ZNF26: variants seen among roughly 807,000 people sequenced by gnomAD.
ZNF26 encodes the protein zinc finger protein 26.
ZNF26 carries 32 observed loss-of-function variants against 54.9 expected under a neutral mutation model. The ratio of observed to expected loss-of-function variants is 0.58; its 90% CI spans 0.44 to 0.78. The LOEUF (loss-of-function observed/expected upper bound fraction) is 0.78, where lower values mean the gene tolerates loss of function less well. Among genes scored for constraint, ZNF26 ranks in the 30% least tolerant of loss-of-function variants. The pLI, the probability that ZNF26 is intolerant of heterozygous loss-of-function variation, is 0.00. For synonymous variants in ZNF26, 221 were observed against 209.2 expected (o/e 1.06, Z -0.49); for missense variants, 524 against 634.0 (o/e 0.83, Z 1.86).
Position 133,022,073 on chromosome 12 carries a change from G to A in ZNF26, c.*10592G>A, listed in dbSNP as rs984535313. ...CTGTTTACCAAAAATACAAAAATTA[G>A]CCAGGGTGGTGACGTGCACCTGTAA... On this transcript the variant is annotated 3_prime_UTR_variant, in exon 4 of 4. Transcript: ENST00000328654. The A allele has an allele frequency of 6.6e-6, 1 of 151,596 alleles. No individual in the cohort carries two copies. Among genetic ancestry groups the A allele is most frequent in the Non-Finnish European group, 1.5e-5 (1 of 67,878 alleles). 9.4% of individuals were successfully genotyped at this position (151,596 alleles called of 1,614,324 possible). A position where few individuals can be genotyped will look rare whatever the true frequency, so the allele number is the denominator to read the frequency against.
At position 133,024,355 on chromosome 12, in the gene ZNF26, T is replaced by C. The variant is rs1221245264; in HGVS notation, c.*12874T>C. 6.6e-6 allele frequency: 1 copy of C among 152,202 alleles called. No individual in the cohort carries two copies. The highest frequency in any genetic ancestry group is 1.5e-5 in the Non-Finnish European group (1 of 68,036). The allele number at this position is 152,202 out of a possible 1,614,324, so 9.4% of individuals were successfully genotyped here. On this transcript the variant is annotated 3_prime_UTR_variant, in exon 4 of 4. Coordinates refer to ENST00000328654, the MANE Select transcript of ZNF26 (RefSeq NM_019591.4). ...AAACATGGAGAAAATGAGACTTTTT[T>C]ATGTAGTGACAGGTGTATCAACACT...
chr12:132,988,824 A>T (rs1276067407), intron 1 of ZNF26, among the ~76,000 whole-genome samples: 1 of 152,084 alleles, frequency 6.6e-6, no homozygotes, highest in Non-Finnish European at 1.5e-5. Flanking sequence ...TTTTTCTCAT[A>T]TAGATTTTAT....
Position 133,015,751 on chromosome 12 carries a change from C to T in ZNF26, c.*4270C>T, listed in dbSNP as rs1271580654. 2.6e-5 allele frequency: 4 copies of T among 152,182 alleles called. No individual in the cohort carries two copies. Among genetic ancestry groups the T allele is most frequent in the African/African-American group, 9.6e-5 (4 of 41,452 alleles). The allele number at this position is 152,182 out of a possible 1,614,324, so 9.4% of individuals were successfully genotyped here. ...AGAGGACAGTCTTCTGAGTAGAGGGCATAGGAGTTCCCAAAGAGGAAAGTC... is the reference window on the plus strand; with the variant it reads ...AGAGGACAGTCTTCTGAGTAGAGGGTATAGGAGTTCCCAAAGAGGAAAGTC... On this transcript the variant is annotated 3_prime_UTR_variant, in exon 4 of 4. Coordinates refer to ENST00000328654, the MANE Select transcript of ZNF26 (RefSeq NM_019591.4).
Position 133,011,022 on chromosome 12 carries a change from G to A in ZNF26, c.1143G>A (p.Arg381=). 6.2e-7 allele frequency: 1 copy of A among 1,614,152 alleles called. No individual in the cohort carries two copies. The change falls in exon 4 of 4, where the codon AGG becomes AGA. Residue 381 remains arginine (R), a synonymous_variant. Transcript: ENST00000328654. ...GTGAATGTGGGAAAGCCTTTGGTAG[G>A]AAGGAACAGCTCACTGCACATCTGA... ...QCGECGKAFG[R]KEQLTAHLRA...
rs1179668641 is a variant in ZNF26, at chr12:133,016,071, T to C, written c.*4590T>C. On this transcript the variant is annotated 3_prime_UTR_variant, in exon 4 of 4. Coordinates refer to ENST00000328654, the MANE Select transcript of ZNF26 (RefSeq NM_019591.4). ...TATTGTGAAAAAGTGTAGGGGTAAT[T>C]TTTTTTTTTTTTTTTTTTTGAGACA... 1.8e-5 allele frequency: 1 copy of C among 54,152 alleles called. No individual in the cohort carries two copies. The highest frequency in any genetic ancestry group is 2.2e-4 in the Admixed American group (1 of 4,526). The allele number at this position is 54,152 out of a possible 1,614,324, so 3.4% of individuals were successfully genotyped here.
intron 1 of ZNF26, among the ~76,000 whole-genome samples, chr12:132,996,846 G>A (rs1953095375): frequency 6.6e-6 from 1 of 152,086 alleles, no homozygotes; most frequent in South Asian, 2.1e-4. Context: ...TTATTGTTTT[G>A]TTTAAAACTG....
In ZNF26 at chr12:133,010,372, C is replaced by G; in HGVS notation, c.493C>G (p.Gln165Glu). 1 of 1,613,932 alleles carries G rather than the reference C, an allele frequency of 6.2e-7. No homozygotes were observed. Among genetic ancestry groups the G allele is most frequent in the African/African-American group, 1.3e-5 (1 of 74,998 alleles). Residue 165 changes from glutamine to glutamate, a missense_variant, in exon 4 of 4, where the codon CAA (glutamine) becomes GAA (glutamate). Gln to Glu is a conservative substitution (Grantham distance 29, BLOSUM62 2). Transcript: ENST00000328654. ...GYEEPYFLKHQRAHSIEKNCV... is the reference protein window; with the variant it reads ...GYEEPYFLKHERAHSIEKNCV... ...TGAAGAACCATATTTTCTTAAGCATCAAAGAGCTCATAGCATAGAAAAAAA... is the reference window on the plus strand; with the variant it reads ...TGAAGAACCATATTTTCTTAAGCATGAAAGAGCTCATAGCATAGAAAAAAA...
intron 1 of ZNF26, chr12:133,005,252 G>A (rs1476903266): frequency 6.6e-6 from 1 of 152,074 alleles, no homozygotes; most frequent in Non-Finnish European, 1.5e-5. Context: ...GCTCAGGCTG[G>A]AGTGCAGTGA....
rs933376085 is a variant in ZNF26, at chr12:133,006,276, A to C, written c.34-766A>C. Reference sequence around the variant, plus strand: ...CAGACTCCTGCAAGTAGAAGGATAAACTCTCTTGTTTATCCCCCTGTTCTC... The same window carrying C: ...CAGACTCCTGCAAGTAGAAGGATAACCTCTCTTGTTTATCCCCCTGTTCTC... On this transcript the variant is annotated intron_variant, in intron 1 of 3. Transcript: ENST00000328654. 9.2e-5 allele frequency: 91 copies of C among 985,128 alleles called. No homozygotes were observed. In the East Asian group the frequency reaches 5.9e-3, roughly 64 times the overall value. 61.0% of individuals were successfully genotyped at this position (985,128 alleles called of 1,614,324 possible).
intron 1 of ZNF26, among the ~76,000 whole-genome samples, chr12:132,998,547 C>T (rs1200440782): frequency 2.0e-5 from 3 of 152,150 alleles, no homozygotes; most frequent in Non-Finnish European, 2.9e-5. Context: ...ATTTGCTGCT[C>T]GACTGTGCTT....
chr12:132,992,748 T>C (rs1952990589), intron 1 of ZNF26, among the ~76,000 whole-genome samples: 1 of 152,234 alleles, frequency 6.6e-6, no homozygotes, highest in African/African-American at 2.4e-5. Flanking sequence ...TGAAAAATAC[T>C]AAGTCAAACC....
At chr12:132,987,718 T>C (rs1952854709) in intron 1 of ZNF26, 1 of 985,406 alleles carries the variant, frequency 1.0e-6, no homozygotes, top group Non-Finnish European at 1.2e-6. Flanking sequence ...CACCTTATTG[T>C]ATTCGTGGAA....
chr12:133,006,868 GCCA>G, intron 1 of ZNF26, 171 bp from the exon 2 acceptor site: 1 of 812,352 alleles, frequency 1.2e-6, no homozygotes, highest in Non-Finnish European at 1.9e-6. Flanking sequence ...GCTGGCGTGA[GCCA>G]CCGTGCCTGG....
chr12:132,992,079 C>T (rs1426927924), intron 1 of ZNF26, among the ~76,000 whole-genome samples: 2 of 151,560 alleles, frequency 1.3e-5, no homozygotes, highest in African/African-American at 4.9e-5. Flanking sequence ...ACCCAGGAGG[C>T]GGGGGTTGCA....
rs111755464 is a variant in ZNF26 at position 132,997,329 on chromosome 12, G to A, written c.34-9713G>A. On this transcript the variant is annotated intron_variant, in intron 1 of 3. Coordinates refer to ENST00000328654, the MANE Select transcript of ZNF26 (RefSeq NM_019591.4). ...GGGTTAATCAGAAGCCCACATGGTCGATGAGCTTCCAAGATGGAGTCCAGA... is the reference window on the plus strand; with the variant it reads ...GGGTTAATCAGAAGCCCACATGGTCAATGAGCTTCCAAGATGGAGTCCAGA... 3.5e-3 allele frequency among the ~76,000 whole-genome samples: 539 copies of A among 152,292 alleles called. 4 individuals carry two copies. The highest frequency in any genetic ancestry group is 0.013 in the African/African-American group (523 of 41,558).
intron 1 of ZNF26, among the ~76,000 whole-genome samples, chr12:133,003,500 G>A (rs1342053184): frequency 8.5e-5 from 13 of 152,136 alleles, no homozygotes; most frequent in Admixed American, 6.5e-4. Flanking sequence ...GTGATCCGCC[G>A]CCTCGGCCTC....
Position 133,022,923 on chromosome 12 carries a change from A to G in ZNF26, c.*11442A>G, listed in dbSNP as rs886361859. The G allele has an allele frequency of 5.3e-5, 8 of 152,316 alleles. No individual in the cohort carries two copies. Among genetic ancestry groups the G allele is most frequent in the Admixed American group, 2.0e-4 (3 of 15,296 alleles). 9.4% of individuals were successfully genotyped at this position (152,316 alleles called of 1,614,324 possible). A position where few individuals can be genotyped will look rare whatever the true frequency, so the allele number is the denominator to read the frequency against. On this transcript the variant is annotated 3_prime_UTR_variant, in exon 4 of 4. Transcript: ENST00000328654. The stretch of plus-strand genomic sequence containing the variant: ...GTGTTTATGTGACAAAACAACGGGG[A>G]AAAAAAGCTAGAAAATGATAATCAA...
intron 1 of ZNF26, among the ~76,000 whole-genome samples, chr12:133,003,805 T>C (rs1469993200): frequency 6.6e-6 from 1 of 152,158 alleles, no homozygotes. Context: ...GCCCGAGTAT[T>C]GATGAGCCAG....
intron 1 of ZNF26, among the ~76,000 whole-genome samples, chr12:133,000,418 ATTTTTTT>A (rs139011460): frequency 3.3e-5 from 2 of 60,954 alleles, no homozygotes; most frequent in South Asian, 6.6e-4. Flanking sequence ...TACCTGGCTA[ATTTTTTT>A]TTTTTTTTTT....
Sources: gnomAD v4.1 joint callset for allele counts (sites outside exome capture counted in the v4.1 genomes callset) on GRCh38, gnomAD v4.1.1 for gene constraint, MANE v1.5 for transcripts, NCBI Gene and HGNC (gene_info 2026-07-23, HGNC 2026-07-21) for gene names.